The following CRY1 variants were observed in gnomAD, a reference collection of about 807,000 sequenced individuals.
The protein encoded by CRY1 is cryptochrome circadian regulator 1.
A neutral mutation model predicts 76.0 loss-of-function variants in CRY1; 45 were observed. That is an observed-to-expected ratio of 0.59 (90% CI 0.47 to 0.76). The LOEUF (loss-of-function observed/expected upper bound fraction) is 0.76. Among genes scored for constraint, CRY1 ranks in the 30% least tolerant of loss-of-function variants. The pLI, the probability that CRY1 is intolerant of heterozygous loss-of-function variation, is 0.00. For synonymous variants in CRY1, 248 were observed against 244.0 expected (o/e 1.02, Z -0.15); for missense variants, 587 against 716.4 (o/e 0.82, Z 2.06).
At chr12:107,067,556 T>C (rs1198398675) in intron 1 of CRY1, among the ~76,000 whole-genome samples, 1 of 150,706 alleles carries the variant, frequency 6.6e-6, no homozygotes, top group Non-Finnish European at 1.5e-5. Context: ...TTTTCTCTTT[T>C]CAAAGGCAAA....
At chr12:107,043,880 T>C (rs953001918) in intron 1 of CRY1, among the ~76,000 whole-genome samples, 6 of 152,128 alleles carry the variant, frequency 3.9e-5, no homozygotes, top group African/African-American at 1.2e-4. Flanking sequence ...CTGAGCCCTA[T>C]TGGCTCAGAT....
At chr12:107,036,297 T>C (rs545939694) in intron 1 of CRY1, among the ~76,000 whole-genome samples, 1 of 152,348 alleles carries the variant, frequency 6.6e-6, no homozygotes, top group East Asian at 1.9e-4. Flanking sequence ...TTGACCTCTC[T>C]TTCTTTCATA....
intron 1 of CRY1, among the ~76,000 whole-genome samples, chr12:107,028,595 T>A (rs1439829929): frequency 6.6e-6 from 1 of 152,076 alleles, no homozygotes; most frequent in Non-Finnish European, 1.5e-5. Context: ...TTGAAACATA[T>A]AGGAGAAATT....
intron 2 of CRY1, among the ~76,000 whole-genome samples, chr12:107,013,110 T>C (rs960557409): frequency 6.6e-6 from 1 of 152,256 alleles, no homozygotes; most frequent in African/African-American, 2.4e-5. Flanking sequence ...TTGAGAGGAC[T>C]GACTCCAATT....
intron 1 of CRY1, among the ~76,000 whole-genome samples, chr12:107,059,337 A>C (rs571338217): frequency 2.1e-4 from 32 of 152,192 alleles, no homozygotes; most frequent in South Asian, 1.2e-3. Flanking sequence ...CTGCAGCCTC[A>C]ACCTCCCTGG....
In CRY1 at chr12:107,037,734, A is replaced by T. The variant is rs185988250; in HGVS notation, c.159-15542T>A. ...ATTTATTTATTTATTTTAGAGAAAG[A>T]GTCTCACTCTGTTGCCCAGGCTGAA... On this transcript the variant is annotated intron_variant, in intron 1 of 12. Coordinates refer to ENST00000008527, the MANE Select transcript of CRY1 (RefSeq NM_004075.5). 2.1e-3 allele frequency among the ~76,000 whole-genome samples: 317 copies of T among 152,096 alleles called. 2 individuals are homozygous for T. The highest frequency in any genetic ancestry group is 7.3e-3 in the African/African-American group (304 of 41,478).
In CRY1 at chr12:107,092,791, G is replaced by T; in HGVS notation, c.158+13C>A. 1 of 1,611,158 alleles carries T rather than the reference G, an allele frequency of 6.2e-7. No individual in the cohort carries two copies. The highest frequency in any genetic ancestry group is 8.5e-7 in the Non-Finnish European group (1 of 1,179,642). ...AAACACCCAAATCCATTTCCCACGG[G>T]CTTGTGACTCACCGCCACCTGTTGA... On this transcript the variant is annotated intron_variant, in intron 1 of 12. Transcript: ENST00000008527.
chr12:106,999,905 A>C, intron 6 of CRY1, 37 bp downstream of exon 6: 1 of 1,583,806 alleles, frequency 6.3e-7, no homozygotes, highest in Non-Finnish European at 8.6e-7. Context: ...ATTTTTTTTT[A>C]AAGTATTAAA....
chr12:107,030,615 A>G (rs1952664052), intron 1 of CRY1, among the ~76,000 whole-genome samples: 1 of 152,212 alleles, frequency 6.6e-6, no homozygotes, highest in African/African-American at 2.4e-5. Context: ...AGTCTTCAAA[A>G]AGGCAGGAAA....
At chr12:107,058,185 T>C (rs981004822) in intron 1 of CRY1, among the ~76,000 whole-genome samples, 1 of 152,120 alleles carries the variant, frequency 6.6e-6, no homozygotes, top group Non-Finnish European at 1.5e-5. Context: ...ACAAAGAGAA[T>C]ACAAGCCTAT....
At chr12:107,006,644 T>TG (rs1952378033) in intron 2 of CRY1, among the ~76,000 whole-genome samples, 1 of 151,102 alleles carries the variant, frequency 6.6e-6, no homozygotes, top group African/African-American at 2.4e-5. Context: ...TAATCTTTTT[T>TG]TTTTTTTTTT....
chr12:107,017,267 CTTG>C lies in CRY1; in HGVS notation c.267+4814_267+4816del, dbSNP rs1236966226. On this transcript the variant is annotated intron_variant, in intron 2 of 12. Transcript: ENST00000008527. ...ACTCACTGTGCTCTAGCACACTGGC[CTTG>C]TTGTTGTTCCCTAAACAAATCATGC... is the stretch of plus-strand genomic sequence containing the variant. Among the ~76,000 whole-genome samples, 7 of 152,378 alleles carry C rather than the reference CTTG, an allele frequency of 4.6e-5. 1 individual carries two copies. In the South Asian group the frequency reaches 1.0e-3, roughly 23 times the overall value.
chr12:107,030,345 A>G (rs1164686930), intron 1 of CRY1, among the ~76,000 whole-genome samples: 1 of 152,220 alleles, frequency 6.6e-6, no homozygotes, highest in Non-Finnish European at 1.5e-5. Flanking sequence ...ACCCAGGTAA[A>G]CAATGAAGCA....
At chr12:107,064,511 T>G (rs886976801) in intron 1 of CRY1, among the ~76,000 whole-genome samples, 7 of 152,214 alleles carry the variant, frequency 4.6e-5, no homozygotes, top group Non-Finnish European at 8.8e-5. Flanking sequence ...ATGGTATAGC[T>G]ACTTTGGAAA....
At chr12:107,021,554 G>A (rs1415360655) in intron 2 of CRY1, among the ~76,000 whole-genome samples, 4 of 152,156 alleles carry the variant, frequency 2.6e-5, no homozygotes, top group African/African-American at 4.8e-5. Flanking sequence ...CTGAAAGACC[G>A]AGGAAATGAT....
rs1167890127 is a variant in CRY1 at position 107,005,111 on chromosome 12, T to C, written c.405A>G (p.Leu135=). The C allele has an allele frequency of 1.9e-6, 3 of 1,608,394 alleles. No individual in the cohort carries two copies. Among genetic ancestry groups the C allele is most frequent in the Non-Finnish European group, 8.5e-7 (1 of 1,178,480 alleles). The part of the protein sequence containing the change: ...IVRISHTLYD[L]DKIIELNGGQ... Reference sequence around the variant, plus strand: ...AAAAAAAAAAAAGGACTCACTTGTCTAGGTCATATAATGTATGTGAAATTC... The same window carrying C: ...AAAAAAAAAAAAGGACTCACTTGTCCAGGTCATATAATGTATGTGAAATTC... The change falls in exon 3 of 13, where the codon CTA becomes CTG. Residue 135 remains leucine, a synonymous_variant. Transcript: ENST00000008527.
chr12:107,076,027 T>G (rs1298599538), intron 1 of CRY1, among the ~76,000 whole-genome samples: 1 of 152,008 alleles, frequency 6.6e-6, no homozygotes, highest in Non-Finnish European at 1.5e-5. Flanking sequence ...AAGATGCTTA[T>G]TTTGAATCCA....
chr12:106,999,720 T>C lies in CRY1; in HGVS notation c.968A>G (p.Asn323Ser). ...CGCCCATTTGGCTAAAGCCTCAGGA[T>C]TTTTATCCCAAGGAATCTGAACACA... ...PICVQIPWDK[N>S]PEALAKWAEG... Residue 323 changes from asparagine (N) to serine (S), a missense_variant, in exon 7 of 13, where the codon AAT (asparagine) becomes AGT (serine). Physicochemically the swap from Asn to Ser is conservative, Grantham distance 46 (BLOSUM62 1). Coordinates refer to ENST00000008527, the MANE Select transcript of CRY1 (RefSeq NM_004075.5). 1 of 1,614,216 alleles carries C rather than the reference T, an allele frequency of 6.2e-7. No homozygotes were observed. The highest frequency in any genetic ancestry group is 8.5e-7 in the Non-Finnish European group (1 of 1,180,038).
intron 1 of CRY1, among the ~76,000 whole-genome samples, chr12:107,031,913 G>A (rs1952679945): frequency 6.6e-6 from 1 of 152,070 alleles, no homozygotes; most frequent in African/African-American, 2.4e-5. Context: ...AGTTTAGTTA[G>A]TACTATGGTT....
Sources: gnomAD v4.1 joint callset for allele counts (sites outside exome capture counted in the v4.1 genomes callset) on GRCh38, gnomAD v4.1.1 for gene constraint, MANE v1.5 for transcripts, NCBI Gene and HGNC (gene_info 2026-07-23, HGNC 2026-07-21) for gene names.